Variants in RASGRF2 observed in about 807,000 individuals in gnomAD.
RASGRF2 encodes the protein Ras protein specific guanine nucleotide releasing factor 2.
A neutral mutation model predicts 151.0 loss-of-function variants in RASGRF2; 76 were observed. That is an observed-to-expected ratio of 0.50 (90% CI 0.42 to 0.61). The LOEUF is 0.61. Among genes scored for constraint, RASGRF2 ranks in the 20% least tolerant of loss-of-function variants. RASGRF2 has a pLI of 0.00. For synonymous variants in RASGRF2, 504 were observed against 566.5 expected (o/e 0.89, Z 1.57); for missense variants, 1,148 against 1,564.6 (o/e 0.73, Z 4.49).
At chr5:81,165,412 T>C (rs935788973) in intron 17 of RASGRF2, among the ~76,000 whole-genome samples, 1 of 152,154 alleles carries the variant, frequency 6.6e-6, no homozygotes, top group Admixed American at 6.5e-5. Flanking sequence ...TGTAAGGCCC[T>C]TTTCCATGCA....
chr5:81,035,353 A>G (rs1750447053), intron 1 of RASGRF2, among the ~76,000 whole-genome samples: 1 of 152,220 alleles, frequency 6.6e-6, no homozygotes, highest in Non-Finnish European at 1.5e-5. Flanking sequence ...TGTGCATACT[A>G]TCACAAGGAC....
At chr5:81,054,858 A>G (rs1751142760) in intron 2 of RASGRF2, among the ~76,000 whole-genome samples, 2 of 150,342 alleles carry the variant, frequency 1.3e-5, no homozygotes, top group Admixed American at 6.6e-5. Flanking sequence ...TGTAAGTTGG[A>G]TTCCTAGGTA....
chr5:81,018,869 C>T (rs900284215), intron 1 of RASGRF2, among the ~76,000 whole-genome samples: 2 of 149,418 alleles, frequency 1.3e-5, no homozygotes, highest in African/African-American at 5.0e-5. Flanking sequence ...GTGGCGCAAT[C>T]TCGGCTCACT....
intron 1 of RASGRF2, chr5:80,997,154 TA>T (rs1436245884): frequency 1.3e-5 from 2 of 152,202 alleles, no homozygotes; most frequent in Non-Finnish European, 2.9e-5. Flanking sequence ...TCCCTCTAGG[TA>T]AGGAGTTGCA....
intron 9 of RASGRF2, 76 bp from the exon 10 acceptor site, chr5:81,092,725 T>C (rs1261488011): frequency 6.6e-6 from 9 of 1,356,134 alleles, no homozygotes; most frequent in Non-Finnish European, 9.2e-6. Context: ...CAGACCTTAG[T>C]GTTTATTGCC....
chr5:81,059,776 G>A (rs1464109157), intron 2 of RASGRF2, among the ~76,000 whole-genome samples: 2 of 151,972 alleles, frequency 1.3e-5, no homozygotes, highest in African/African-American at 2.4e-5. Flanking sequence ...CCCAGGAGGC[G>A]GAGGTTGCAG....
At chr5:81,143,201 T>A (rs1198759545) in intron 17 of RASGRF2, among the ~76,000 whole-genome samples, 1 of 152,116 alleles carries the variant, frequency 6.6e-6, no homozygotes, top group African/African-American at 2.4e-5. Flanking sequence ...CAGGCTAGAG[T>A]GCAGTGGCGC....
chr5:81,039,295 T>C (rs1033421543), intron 1 of RASGRF2, among the ~76,000 whole-genome samples: 4 of 152,032 alleles, frequency 2.6e-5, no homozygotes, highest in Non-Finnish European at 4.4e-5. Flanking sequence ...GGGATATACC[T>C]AAAATATAAA....
intron 1 of RASGRF2, among the ~76,000 whole-genome samples, chr5:81,011,185 T>C (rs1007756930): frequency 1.3e-5 from 2 of 152,186 alleles, no homozygotes; most frequent in African/African-American, 4.8e-5. Flanking sequence ...TATGAATACT[T>C]TTTCATAAAT....
intron 18 of RASGRF2, among the ~76,000 whole-genome samples, chr5:81,184,102 T>C (rs1336575876): frequency 1.3e-5 from 2 of 152,222 alleles, no homozygotes; most frequent in East Asian, 1.9e-4. Flanking sequence ...GTTCATTCTC[T>C]CCTGGAGGTC....
At chr5:80,982,000 T>G (rs903135706) in intron 1 of RASGRF2, among the ~76,000 whole-genome samples, 2 of 152,228 alleles carry the variant, frequency 1.3e-5, no homozygotes, top group Non-Finnish European at 2.9e-5. Context: ...AACAATGAAT[T>G]AATTCACTAG....
intron 9 of RASGRF2, among the ~76,000 whole-genome samples, chr5:81,089,690 C>A (rs1225815791): frequency 3.3e-5 from 5 of 152,194 alleles, no homozygotes; most frequent in Admixed American, 6.5e-5. Context: ...CACTGGAGGT[C>A]AAATCCTGTC....
rs1294832467 is a variant in RASGRF2 at position 81,043,991 on chromosome 5, T to C, written c.395+1008T>C. On this transcript the variant is annotated intron_variant, in intron 2 of 26. Transcript: ENST00000265080. ...TTTTTAATATAGTGAATGTGTTAGA[T>C]TTCTGTTTCCTGAGTGGGATTGTAT... is the stretch of plus-strand genomic sequence containing the variant. Among the ~76,000 whole-genome samples the C allele has an allele frequency of 2.0e-5, 3 of 152,324 alleles. No individual in the cohort carries two copies. In the East Asian group the frequency reaches 5.8e-4, roughly 29 times the overall value.
At chr5:81,021,799 G>C (rs1749836090) in intron 1 of RASGRF2, among the ~76,000 whole-genome samples, 1 of 152,132 alleles carries the variant, frequency 6.6e-6, no homozygotes, top group South Asian at 2.1e-4. Flanking sequence ...TCATAGGGTG[G>C]CCAATGAGGA....
rs1752923089 is a variant in RASGRF2 at position 81,108,999 on chromosome 5, G to T, written c.1759G>T (p.Val587Leu). 6.2e-7 allele frequency: 1 copy of T among 1,607,834 alleles called. No homozygotes were observed. The highest frequency in any genetic ancestry group is 1.3e-5 in the African/African-American group (1 of 74,816). The change falls in exon 13 of 27, where the codon GTG becomes TTG. Residue 587 changes from valine (V) to leucine (L), a missense_variant. This residue lies in a region of RASGRF2 where 646 missense variants were observed against 807.4 expected (regional missense o/e 0.80). Coordinates refer to ENST00000265080, the MANE Select transcript of RASGRF2 (RefSeq NM_006909.3). ...TTGTCAACTTTTTATTTCACAGTGT[G>T]TGGACAATATACGATGTAATGGTTT... is the stretch of plus-strand genomic sequence containing the variant. ...AAWMSDISQC[V>L]DNIRCNGLMT...
intron 26 of RASGRF2, chr5:81,223,619 C>G (rs1021847411): frequency 6.6e-6 from 1 of 150,788 alleles, no homozygotes; most frequent in African/African-American, 2.4e-5. Context: ...CCAGCCTGGG[C>G]GACAGAGCGA....
rs1442719547 is a variant in RASGRF2, at chr5:81,034,874, C to G, written c.289-8003C>G. ...ATGACAAGTTAGTGGGTGCAGTGCA[C>G]CAGCATGGCACATGTATACATATGT... On this transcript the variant is annotated intron_variant, in intron 1 of 26. Coordinates refer to ENST00000265080, the MANE Select transcript of RASGRF2 (RefSeq NM_006909.3). Among the ~76,000 whole-genome samples the G allele has an allele frequency of 1.4e-3, 218 of 151,128 alleles. 1 individual carries two copies. The highest frequency in any genetic ancestry group is 5.0e-3 in the African/African-American group (206 of 40,988).
intron 16 of RASGRF2, 65 bp downstream of exon 16, chr5:81,123,832 C>A (rs748319219): frequency 7.3e-6 from 11 of 1,502,396 alleles, no homozygotes; most frequent in Non-Finnish European, 9.9e-6. Context: ...CTGAACCTTT[C>A]CTTTGCCTAA....
At chr5:81,048,097 A>G (rs887036290) in intron 2 of RASGRF2, among the ~76,000 whole-genome samples, 7 of 152,248 alleles carry the variant, frequency 4.6e-5, no homozygotes, top group East Asian at 3.8e-4. Context: ...ATCAGAGAAG[A>G]GTGATGACAT....
Sources: gnomAD v4.1 joint callset for allele counts (sites outside exome capture counted in the v4.1 genomes callset) on GRCh38, gnomAD v4.1.1 for gene constraint, gnomAD v4.1.1 regional missense constraint, MANE v1.5 for transcripts, NCBI Gene and HGNC (gene_info 2026-07-23, HGNC 2026-07-21) for gene names.